CACUL1: variants seen among roughly 807,000 people sequenced by gnomAD.
CACUL1 encodes CDK2 associated cullin domain 1, also known as CDK2-associated and cullin domain-containing protein 1.
CACUL1 carries 13 observed loss-of-function variants against 45.2 expected under a neutral mutation model. That is an observed-to-expected ratio of 0.29 (90% CI 0.19 to 0.46). The LOEUF (loss-of-function observed/expected upper bound fraction) is 0.46, where lower values mean the gene tolerates loss of function less well. CACUL1 is among the 20% of genes least tolerant of loss of function. CACUL1 has a pLI of 1.00. For synonymous variants in CACUL1, 197 were observed against 174.2 expected, an observed-to-expected ratio of 1.13 and a Z score of -1.03; for missense variants, 421 against 471.4, an observed-to-expected ratio of 0.89 and a Z score of 0.99.
chr10:118,718,293 C>A (rs1301335271), intron 3 of CACUL1, among the ~76,000 whole-genome samples: 1 of 152,062 alleles, frequency 6.6e-6, no homozygotes, highest in East Asian at 1.9e-4. Context: ...CCCAAAGATA[C>A]AAGGTAAAAT....
intron 3 of CACUL1, among the ~76,000 whole-genome samples, chr10:118,717,856 C>T (rs1411527494): frequency 6.6e-6 from 1 of 152,158 alleles, no homozygotes; most frequent in Admixed American, 6.5e-5. Context: ...ATCTGAGAGG[C>T]CATCCTCCAT....
At chr10:118,693,258 T>C (rs1408083989) in intron 6 of CACUL1, 1 of 154,112 alleles carries the variant, frequency 6.5e-6, no homozygotes, top group African/African-American at 2.4e-5. Context: ...AACAAACTTT[T>C]GCTTTCAAAA....
intron 3 of CACUL1, among the ~76,000 whole-genome samples, chr10:118,708,147 C>CCA (rs1845451214): frequency 9.6e-6 from 1 of 104,028 alleles, no homozygotes; most frequent in East Asian, 2.9e-4. Flanking sequence ...AACACTGTCT[C>CCA]AAAAAAAAAA....
Position 118,685,786 on chromosome 10 carries a change from C to A in CACUL1, c.*342G>T, listed in dbSNP as rs867320865. On this transcript the variant is annotated 3_prime_UTR_variant, in exon 9 of 9. Transcript: ENST00000369151. ...AAAACAAGTGCTTAAAAAAAAAATT[C>A]TTCTGCTCTTATATTTTTGGAGGAA... 2.7e-5 allele frequency: 5 copies of A among 187,898 alleles called. No individual in the cohort carries two copies. The highest frequency in any genetic ancestry group is 1.7e-4 in the South Asian group (1 of 5,740). 11.6% of individuals were successfully genotyped at this position (187,898 alleles called of 1,614,324 possible).
rs148535550 is a variant in CACUL1 at position 118,689,510 on chromosome 10, T to A, written c.1025+1755A>T. Among the ~76,000 whole-genome samples, 948 of 152,294 alleles carry A rather than the reference T, an allele frequency of 6.2e-3. 7 individuals carry two copies. The highest frequency in any genetic ancestry group is 0.027 in the Middle Eastern group (8 of 294). On this transcript the variant is annotated intron_variant, in intron 7 of 8. Coordinates refer to ENST00000369151, the MANE Select transcript of CACUL1 (RefSeq NM_153810.5). ...CCAGCCAGAAGTTTTATAAAATAAT[T>A]CCACTTAGAGACAAAAATTCCTATT... is the stretch of plus-strand genomic sequence containing the variant.
Position 118,694,931 on chromosome 10 carries a change from G to T in CACUL1, c.886+210C>A, listed in dbSNP as rs188352366. On this transcript the variant is annotated intron_variant, in intron 6 of 8. Transcript: ENST00000369151. ...TTCTTGTATTTCCCTCACAGGTTCT[G>T]CAAAAACCACACTAGTTGGTTTCCA... 29 of 406,706 alleles carry T rather than the reference G, an allele frequency of 7.1e-5. 1 individual carries two copies. Among genetic ancestry groups the T allele is most frequent in the Non-Finnish European group, 1.2e-4 (26 of 216,596 alleles). 25.2% of individuals were successfully genotyped at this position (406,706 alleles called of 1,614,324 possible). A position where few individuals can be genotyped will look rare whatever the true frequency, so the allele number is the denominator to read the frequency against.
intron 3 of CACUL1, among the ~76,000 whole-genome samples, chr10:118,715,950 C>T (rs1845538978): frequency 6.6e-6 from 1 of 152,144 alleles, no homozygotes; most frequent in Non-Finnish European, 1.5e-5. Flanking sequence ...AAAATAACCA[C>T]TACCGGCTGG....
intron 1 of CACUL1, among the ~76,000 whole-genome samples, chr10:118,751,955 T>C (rs1038112315): frequency 6.6e-6 from 1 of 152,198 alleles, no homozygotes; most frequent in African/African-American, 2.4e-5. Context: ...CATATAGTAT[T>C]TACTTTTGAT....
chr10:118,738,661 AAC>A (rs901256589), intron 1 of CACUL1, among the ~76,000 whole-genome samples: 1 of 151,960 alleles, frequency 6.6e-6, no homozygotes, highest in Admixed American at 6.5e-5. Context: ...GCCCATTATA[AAC>A]ACAGAGCTAG....
rs1448788140 is a variant in CACUL1 at position 118,754,594 on chromosome 10, G to C, written c.169C>G (p.Leu57Val). ...ACGGAGACCGCGGGCACCGCCAGCA[G>C]CTGCCCCCCCGGAGGCTCTCGGGCA... ...APAREPPGGQ[L>V]LAVPAVSVDR... is the part of the protein sequence containing the mutation. Residue 57 changes from leucine (L) to valine (V), a missense_variant, in exon 1 of 9, where the codon CTG (leucine) becomes GTG (valine). Transcript: ENST00000369151. The C allele has an allele frequency of 1.9e-6, 3 of 1,609,094 alleles. No individual in the cohort carries two copies. The highest frequency in any genetic ancestry group is 2.5e-6 in the Non-Finnish European group (3 of 1,178,016).
intron 3 of CACUL1, among the ~76,000 whole-genome samples, chr10:118,711,446 G>T (rs1845484871): frequency 1.3e-5 from 2 of 152,132 alleles, no homozygotes; most frequent in South Asian, 4.1e-4. Context: ...CATGTTATAG[G>T]CAAACTTTTA....
At chr10:118,748,860 C>T (rs117296516) in intron 1 of CACUL1, among the ~76,000 whole-genome samples, 219 of 152,092 alleles carry the variant, frequency 1.4e-3, no homozygotes, top group Non-Finnish European at 2.7e-3. Context: ...CATCAAACTG[C>T]ACACCTAAAA....
At chr10:118,703,266 T>C (rs1845401794) in intron 4 of CACUL1, among the ~76,000 whole-genome samples, 1 of 152,206 alleles carries the variant, frequency 6.6e-6, no homozygotes, top group Non-Finnish European at 1.5e-5. Context: ...TTCTGTATAT[T>C]CTTTCTAGGA....
Position 118,699,911 on chromosome 10 carries a change from G to A in CACUL1, c.796+1395C>T, listed in dbSNP as rs1024996653. ...GATCCGCCGGCCTCAGCCTCCCAAA[G>A]CGCTGGGATTACAGGCGTGAGCCAC... On this transcript the variant is annotated intron_variant, in intron 5 of 8. Transcript: ENST00000369151. Among the ~76,000 whole-genome samples, 4 of 152,086 alleles carry A rather than the reference G, an allele frequency of 2.6e-5. No homozygotes were observed. In the East Asian group the frequency reaches 7.8e-4, roughly 29 times the overall value.
intron 3 of CACUL1, among the ~76,000 whole-genome samples, chr10:118,715,190 C>T (rs886653846): frequency 2.0e-5 from 3 of 151,936 alleles, no homozygotes; most frequent in Non-Finnish European, 4.4e-5. Flanking sequence ...GTGAAATCTG[C>T]GAAATACCAC....
At chr10:118,695,544 C>G (rs1443214706) in intron 5 of CACUL1, among the ~76,000 whole-genome samples, 1 of 152,138 alleles carries the variant, frequency 6.6e-6, no homozygotes, top group Non-Finnish European at 1.5e-5. Flanking sequence ...GAAAGTGCTT[C>G]CATTACATTT....
At chr10:118,713,584 T>C (rs550398021) in intron 3 of CACUL1, among the ~76,000 whole-genome samples, 6 of 152,376 alleles carry the variant, frequency 3.9e-5, no homozygotes, top group African/African-American at 1.2e-4. Flanking sequence ...TGTGTGAGAA[T>C]ATTTTTTAAA....
intron 1 of CACUL1, among the ~76,000 whole-genome samples, chr10:118,740,523 T>G (rs1458530360): frequency 6.6e-6 from 1 of 151,848 alleles, no homozygotes; most frequent in African/African-American, 2.4e-5. Flanking sequence ...GGTACAAGAA[T>G]TTCTTGAACC....
At chr10:118,702,789 T>G (rs1845395753) in intron 4 of CACUL1, among the ~76,000 whole-genome samples, 1 of 151,996 alleles carries the variant, frequency 6.6e-6, no homozygotes, top group Non-Finnish European at 1.5e-5. Context: ...ATCACATTGG[T>G]CAGGCTGGTC....
Sources: allele counts gnomAD v4.1 joint callset (sites outside exome capture counted in the v4.1 genomes callset), GRCh38; gene constraint gnomAD v4.1.1; transcripts MANE v1.5; gene names NCBI Gene and HGNC (gene_info 2026-07-23, HGNC 2026-07-21).